Variants in MACROD2 observed in about 807,000 individuals in gnomAD.
The protein encoded by MACROD2 is ADP-ribose glycohydrolase MACROD2.
MACROD2 carries 36 observed loss-of-function variants against 70.4 expected under a neutral mutation model. That is an observed-to-expected ratio of 0.51 (90% CI 0.39 to 0.68). The LOEUF (loss-of-function observed/expected upper bound fraction) is 0.68, where lower values mean the gene tolerates loss of function less well. Ranked by LOEUF, MACROD2 falls within the 30% of genes least tolerant of loss-of-function variation. The pLI, the probability that MACROD2 is intolerant of heterozygous loss-of-function variation, is 0.00. For synonymous variants in MACROD2, 172 were observed against 178.8 expected (o/e 0.96, Z 0.30); for missense variants, 496 against 538.4 (o/e 0.92, Z 0.78).
intron 6 of MACROD2, among the ~76,000 whole-genome samples, chr20:15,294,216 C>A (rs1471025680): frequency 6.6e-6 from 1 of 151,888 alleles, no homozygotes; most frequent in Non-Finnish European, 1.5e-5. Context: ...ATTGGGCCTG[C>A]ATTTCCACTA....
At chr20:14,401,570 C>T (rs1057307908) in intron 3 of MACROD2, among the ~76,000 whole-genome samples, 21 of 152,110 alleles carry the variant, frequency 1.4e-4, no homozygotes, top group African/African-American at 5.1e-4. Context: ...TGTTAATTGC[C>T]TTTTTTGACA....
intron 8 of MACROD2, among the ~76,000 whole-genome samples, chr20:15,682,075 A>G (rs1309104390): frequency 6.6e-6 from 1 of 152,202 alleles, no homozygotes; most frequent in African/African-American, 2.4e-5. Flanking sequence ...TCCTGTGAGA[A>G]TATGTATTTC....
chr20:14,966,611 C>G (rs2122783588), intron 5 of MACROD2, among the ~76,000 whole-genome samples: 1 of 152,300 alleles, frequency 6.6e-6, no homozygotes, highest in East Asian at 1.9e-4. Context: ...ATTTCATCCT[C>G]TCTTCCCGTA....
intron 3 of MACROD2, among the ~76,000 whole-genome samples, chr20:14,299,631 A>G (rs541318293): frequency 5.9e-5 from 9 of 152,326 alleles, no homozygotes; most frequent in Middle Eastern, 3.4e-3. Flanking sequence ...CGAACCTGCA[A>G]TGTCTCTGAG....
chr20:14,569,031 G>A (rs1426317354), intron 4 of MACROD2, among the ~76,000 whole-genome samples: 4 of 151,872 alleles, frequency 2.6e-5, no homozygotes, highest in African/African-American at 7.3e-5. Flanking sequence ...CTGGCAGTAC[G>A]TAAATCTGAA....
At chr20:14,280,927 A>G (rs115136602) in intron 3 of MACROD2, among the ~76,000 whole-genome samples, 2,280 of 152,310 alleles carry the variant, frequency 0.015, 24 homozygotes, top group African/African-American at 0.027. Context: ...AAATTTTTAT[A>G]TAGCAGCAGT....
chr20:14,638,052 C>T (rs1190200068), intron 4 of MACROD2, among the ~76,000 whole-genome samples: 1 of 151,264 alleles, frequency 6.6e-6, no homozygotes, highest in African/African-American at 2.4e-5. Context: ...TAGTAAAAGG[C>T]AGGATGGGAA....
chr20:15,417,613 A>AAAG (rs1555816582), intron 6 of MACROD2, among the ~76,000 whole-genome samples: 1 of 134,916 alleles, frequency 7.4e-6, no homozygotes, highest in Non-Finnish European at 1.6e-5. Flanking sequence ...AAAAAAAAAA[A>AAAG]AAAGAAAGAA....
rs1362001419 is a variant in MACROD2 at position 15,987,156 on chromosome 20, A to C, written c.1151A>C (p.Lys384Thr). The C allele has an allele frequency of 1.2e-6, 2 of 1,606,132 alleles. No individual in the cohort carries two copies. The highest frequency in any genetic ancestry group is 1.7e-6 in the Non-Finnish European group (2 of 1,177,070). Reference protein sequence around the residue: ...TEDQEEKEGEKAPGEDTPRMP... With the variant: ...TEDQEEKEGETAPGEDTPRMP... Reference sequence around the variant, plus strand: ...GACCAAGAAGAAAAAGAAGGTGAAAAAGGTAGGACTGCTCTTAAATTAACC... The same window carrying C: ...GACCAAGAAGAAAAAGAAGGTGAAACAGGTAGGACTGCTCTTAAATTAACC... The change falls in exon 15 of 18, where the codon AAA becomes ACA. Residue 384 changes from lysine to threonine, a missense_variant and splice_region_variant. Physicochemically the swap from Lys to Thr is moderately conservative, Grantham distance 78. Transcript: ENST00000684519.
intron 3 of MACROD2, among the ~76,000 whole-genome samples, chr20:14,489,102 A>G (rs191744615): frequency 6.6e-6 from 1 of 152,342 alleles, no homozygotes; most frequent in African/African-American, 2.4e-5. Flanking sequence ...TAGTAGCATG[A>G]ACTGTAAAGT....
intron 5 of MACROD2, among the ~76,000 whole-genome samples, chr20:14,870,985 C>G (rs1276490240): frequency 6.6e-6 from 1 of 152,094 alleles, no homozygotes; most frequent in Admixed American, 6.6e-5. Flanking sequence ...GCTTTTGTTG[C>G]AATTGCTTTT....
chr20:15,642,955 C>G (rs143000189), intron 8 of MACROD2, among the ~76,000 whole-genome samples: 3 of 152,226 alleles, frequency 2.0e-5, no homozygotes, highest in Non-Finnish European at 4.4e-5. Flanking sequence ...ACGCATGGGC[C>G]CTTATAAAGT....
intron 12 of MACROD2, among the ~76,000 whole-genome samples, chr20:15,951,851 T>A (rs1305505096): frequency 6.6e-6 from 1 of 152,162 alleles, no homozygotes; most frequent in Non-Finnish European, 1.5e-5. Context: ...ACCACACCTA[T>A]CTTAAACACG....
chr20:14,404,740 G>T (rs2083674954), intron 3 of MACROD2, among the ~76,000 whole-genome samples: 2 of 152,040 alleles, frequency 1.3e-5, no homozygotes, highest in Admixed American at 1.3e-4. Context: ...CTTCACAATA[G>T]AACAGAAACC....
At chr20:15,870,235 A>ATATTATTAT (rs74175654) in intron 9 of MACROD2, among the ~76,000 whole-genome samples, 1 of 148,892 alleles carries the variant, frequency 6.7e-6, no homozygotes, top group African/African-American at 2.5e-5. Context: ...GTTGGGTTTT[A>ATATTATTAT]TATTATTATT....
intron 6 of MACROD2, chr20:15,280,769 G>T (rs527640541): frequency 6.6e-6 from 1 of 152,150 alleles, no homozygotes; most frequent in Admixed American, 6.5e-5. Context: ...ATCCCATTCA[G>T]ATTTTTCCTA....
intron 4 of MACROD2, among the ~76,000 whole-genome samples, chr20:14,510,939 G>T (rs1466872294): frequency 6.6e-6 from 1 of 152,124 alleles, no homozygotes; most frequent in Non-Finnish European, 1.5e-5. Context: ...CAGGGAGTGG[G>T]TGGTATGATA....
At chr20:14,861,781 C>T (rs146391103) in intron 5 of MACROD2, among the ~76,000 whole-genome samples, 155 of 149,616 alleles carry the variant, frequency 1.0e-3, no homozygotes, top group African/African-American at 3.7e-3. Context: ...GAATGACCTC[C>T]CGAAGGGCTA....
At chr20:15,041,878 T>G (rs1466140052) in intron 5 of MACROD2, among the ~76,000 whole-genome samples, 1 of 152,210 alleles carries the variant, frequency 6.6e-6, no homozygotes, top group Non-Finnish European at 1.5e-5. Context: ...TGCAGAATGT[T>G]TGAATTTAAC....
Sources: allele counts gnomAD v4.1 joint callset (sites outside exome capture counted in the v4.1 genomes callset), GRCh38; gene constraint gnomAD v4.1.1; transcripts MANE v1.5; gene names NCBI Gene and HGNC (gene_info 2026-07-23, HGNC 2026-07-21).